CCL1: variants seen among roughly 807,000 people sequenced by gnomAD.
CCL1 encodes the protein C-C motif chemokine 1.
A neutral mutation model predicts 7.5 loss-of-function variants in CCL1; 9 were observed. That is an observed-to-expected ratio of 1.20 (90% confidence interval 0.72 to 2.09). The LOEUF (loss-of-function observed/expected upper bound fraction) is 2.09. Ranked by LOEUF, CCL1 falls within the 30% of genes most tolerant of loss-of-function variation. The probability of loss-of-function intolerance (pLI) is 0.00; values close to 1 mark genes in which losing one functional copy is unlikely to be tolerated. For synonymous variants in CCL1, 48 were observed against 44.7 expected (o/e 1.07, Z -0.30); for missense variants, 110 against 113.7 (o/e 0.97, Z 0.15).
At chr17:34,362,091 G>A (rs887878575) in intron 1 of CCL1, among the ~76,000 whole-genome samples, 195 bp from the exon 2 acceptor site, 1 of 152,160 alleles carries the variant, frequency 6.6e-6, no homozygotes, top group Non-Finnish European at 1.5e-5. Flanking sequence ...GAAGATTGGG[G>A]TTCAGATCTG....
intron 2 of CCL1, 38 bp from the exon 3 acceptor site, chr17:34,360,699 A>T: frequency 1.3e-6 from 2 of 1,528,826 alleles, no homozygotes; most frequent in Non-Finnish European, 1.8e-6. Context: ...TGAGCCACCC[A>T]AGCCACCACT....
At chr17:34,360,942 T>A (rs1005127169) in intron 2 of CCL1, among the ~76,000 whole-genome samples, 3 of 152,150 alleles carry the variant, frequency 2.0e-5, no homozygotes, top group Non-Finnish European at 2.9e-5. Context: ...TTCTGACGAT[T>A]AGGTGAGATG....
Position 34,360,492 on chromosome 17 carries a change from G to C in CCL1, c.*67C>G, listed in dbSNP as rs3136683. The C allele has an allele frequency of 0.024, 28,536 of 1,183,092 alleles. 529 individuals carry two copies. The highest frequency in any genetic ancestry group is 0.075 in the African/African-American group (4,972 of 66,736). The allele number at this position is 1,183,092 out of a possible 1,614,324, so 73.3% of individuals were successfully genotyped here. ...AAAGCAGGGCAGAAGGAATGGTGTA[G>C]GGCTGGTAGTTTCGGGGACAGGTGA... On this transcript the variant is annotated 3_prime_UTR_variant, in exon 3 of 3. Transcript: ENST00000225842.
At chr17:34,361,373 G>A (rs1026538445) in intron 2 of CCL1, among the ~76,000 whole-genome samples, 2 of 152,188 alleles carry the variant, frequency 1.3e-5, no homozygotes, top group African/African-American at 2.4e-5. Context: ...GAATACAGAA[G>A]GATACACAGA....
At position 34,361,789 on chromosome 17, in the gene CCL1, A is replaced by G; in HGVS notation, c.184T>C (p.Leu62=). The G allele has an allele frequency of 6.2e-7, 1 of 1,600,370 alleles. No homozygotes were observed. Among genetic ancestry groups the G allele is most frequent in the Non-Finnish European group, 8.6e-7 (1 of 1,167,644 alleles). Residue 62 remains leucine, a synonymous_variant, in exon 2 of 3, where the codon TTA becomes CTA. Coordinates refer to ENST00000225842, the MANE Select transcript of CCL1 (RefSeq NM_002981.2). ...ATTGAGCAGGTGATCACTTACATTAAGCCCTCATTGGAGCAGATGGAGCTG... is the reference window on the plus strand; with the variant it reads ...ATTGAGCAGGTGATCACTTACATTAGGCCCTCATTGGAGCAGATGGAGCTG... ...NTSSICSNEG[L]IFKLKRGKEA... is the part of the protein sequence containing the mutation.
Position 34,361,860 on chromosome 17 carries a change from G to A in CCL1, c.113C>T (p.Ala38Val), listed in dbSNP as rs376707049. The A allele has an allele frequency of 8.2e-5, 133 of 1,612,224 alleles. 1 individual carries two copies. The highest frequency in any genetic ancestry group is 4.6e-4 in the South Asian group (42 of 91,028). Residue 38 changes from alanine to valine, a missense_variant, in exon 2 of 3, where the codon GCG becomes GTG. By Grantham distance (64) the Ala-to-Val change is moderately conservative. Coordinates refer to ENST00000225842, the MANE Select transcript of CCL1 (RefSeq NM_002981.2). The part of the protein sequence containing the change: ...VPFSRCCFSF[A>V]EQEIPLRAIL... ...TGCCCTCAGGGGAATCTCTTGCTCC[G>A]CAAATGAGAAGCAACATCTGGAGAA...
intron 1 of CCL1, among the ~76,000 whole-genome samples, chr17:34,362,336 G>A (rs556308098): frequency 6.6e-6 from 1 of 152,286 alleles, no homozygotes; most frequent in South Asian, 2.1e-4. Context: ...ACAGTTCACA[G>A]ACCTGATCTG....
rs374175140 is a variant in CCL1 at position 34,363,136 on chromosome 17, A to G, written c.26T>C (p.Val9Ala). 1.3e-5 allele frequency: 21 copies of G among 1,613,680 alleles called. No homozygotes were observed. The African/African-American group carries it at 2.7e-4, about 21-fold the overall frequency. MQIITTAL[V>A]CLLLAGMWPE... ...CCACATCCCAGCTAGCAGCAAGCAC[A>G]CCAGGGCTGTGGTGATGATCTGCAT... Residue 9 changes from valine (V) to alanine (A), a missense_variant, in exon 1 of 3, where the codon GTG becomes GCG. Coordinates refer to ENST00000225842, the MANE Select transcript of CCL1 (RefSeq NM_002981.2).
In CCL1 at chr17:34,360,636, C is replaced by A; in HGVS notation, c.214G>T (p.Ala72Ser). Reference protein sequence around the residue: ...LIFKLKRGKEACALDTVGWVQ... With the variant: ...LIFKLKRGKESCALDTVGWVQ... ...CATCCAACTGTGTCCAAGGCGCAGG[C>A]CTCTTTGCCTCTCTTCAGCTTGAAT... The change falls in exon 3 of 3, where the codon GCC becomes TCC. Residue 72 changes from alanine (A) to serine (S), a missense_variant. Ala to Ser is a moderately conservative substitution (Grantham distance 99, BLOSUM62 1). Coordinates refer to ENST00000225842, the MANE Select transcript of CCL1 (RefSeq NM_002981.2). 1 of 1,613,302 alleles carries A rather than the reference C, an allele frequency of 6.2e-7. No homozygotes were observed. The highest frequency in any genetic ancestry group is 8.5e-7 in the Non-Finnish European group (1 of 1,179,822).
chr17:34,361,758 G>A (rs776957108), intron 2 of CCL1, 27 bp downstream of exon 2: 1 of 1,410,806 alleles, frequency 7.1e-7, no homozygotes, highest in Admixed American at 1.7e-5. Flanking sequence ...TGTTCTCTAG[G>A]GAGAGATTGA....
In CCL1 at chr17:34,360,434, A is replaced by T. The variant is rs1304079627; in HGVS notation, c.*125T>A. 3 of 749,420 alleles carry T rather than the reference A, an allele frequency of 4.0e-6. No individual in the cohort carries two copies. Among genetic ancestry groups the T allele is most frequent in the East Asian group, 5.0e-5 (2 of 39,860 alleles). 46.4% of individuals were successfully genotyped at this position (749,420 alleles called of 1,614,324 possible). ...TGTTTAAAGTGCAACAACATAGCTT[A>T]TCAAGACCAAGCAGATCCTCTGTGA... On this transcript the variant is annotated 3_prime_UTR_variant, in exon 3 of 3. Coordinates refer to ENST00000225842, the MANE Select transcript of CCL1 (RefSeq NM_002981.2).
At chr17:34,361,607 C>A (rs980955155) in intron 2 of CCL1, among the ~76,000 whole-genome samples, 178 bp downstream of exon 2, 4 of 152,248 alleles carry the variant, frequency 2.6e-5, no homozygotes, top group African/African-American at 9.6e-5. Context: ...CTTCCTCACA[C>A]CTGCTAGGAA....
At chr17:34,361,996 G>A (rs185039878) in intron 1 of CCL1, 100 bp from the exon 2 acceptor site, 85 of 738,560 alleles carry the variant, frequency 1.2e-4, no homozygotes, top group Admixed American at 2.7e-4. Context: ...CCCAGGACAA[G>A]CCCTGGCTTG....
intron 1 of CCL1, among the ~76,000 whole-genome samples, chr17:34,362,795 A>T (rs210839): frequency 0.48 from 72,847 of 152,024 alleles, 18,129 homozygotes; most frequent in Middle Eastern, 0.63. Flanking sequence ...CCTGGACCTT[A>T]GGCCTCCCAG....
chr17:34,361,845 G>A lies in CCL1; in HGVS notation c.128C>T (p.Pro43Leu), dbSNP rs150891376. ...TCTGTAACACAGGATTGCCCTCAGG[G>A]GAATCTCTTGCTCCGCAAATGAGAA... Reference protein sequence around the residue: ...CCFSFAEQEIPLRAILCYRNT... With the variant: ...CCFSFAEQEILLRAILCYRNT... The change falls in exon 2 of 3, where the codon CCC (proline) becomes CTC (leucine). Residue 43 changes from proline (P) to leucine (L), a missense_variant. Transcript: ENST00000225842. The A allele has an allele frequency of 1.2e-5, 19 of 1,613,412 alleles. 1 individual carries two copies. In the African/African-American group the frequency reaches 2.5e-4, roughly 21 times the overall value.
At chr17:34,361,234 C>T (rs1173903946) in intron 2 of CCL1, among the ~76,000 whole-genome samples, 2 of 152,018 alleles carry the variant, frequency 1.3e-5, no homozygotes, top group African/African-American at 2.4e-5. Context: ...AAATATGTGC[C>T]CCAAGAGGAT....
At chr17:34,363,034 C>T (rs781125490) in intron 1 of CCL1, 52 bp downstream of exon 1, 9 of 1,559,468 alleles carry the variant, frequency 5.8e-6, no homozygotes, top group Non-Finnish European at 7.9e-6. Context: ...GAGTGGCTGA[C>T]CACGTTTCTG....
At position 34,360,450 on chromosome 17, in the gene CCL1, T is replaced by G; in HGVS notation, c.*109A>C. 1.2e-6 allele frequency: 1 copy of G among 826,928 alleles called. No homozygotes were observed. The highest frequency in any genetic ancestry group is 2.1e-6 in the Non-Finnish European group (1 of 474,978). The allele number at this position is 826,928 out of a possible 1,614,324, so 51.2% of individuals were successfully genotyped here. On this transcript the variant is annotated 3_prime_UTR_variant, in exon 3 of 3. Coordinates refer to ENST00000225842, the MANE Select transcript of CCL1 (RefSeq NM_002981.2). ...ACATAGCTTATCAAGACCAAGCAGA[T>G]CCTCTGTGACCTAGCAAAAGCAGGG...
chr17:34,360,723 A>C, intron 2 of CCL1, 62 bp from the exon 3 acceptor site: 1 of 1,292,486 alleles, frequency 7.7e-7, no homozygotes, highest in Non-Finnish European at 1.1e-6. Flanking sequence ...TGGGCAACGC[A>C]CAAGCCCCGC....
Sources: allele counts gnomAD v4.1 joint callset (sites outside exome capture counted in the v4.1 genomes callset), GRCh38; gene constraint gnomAD v4.1.1; transcripts MANE v1.5; gene names NCBI Gene and HGNC (gene_info 2026-07-23, HGNC 2026-07-21).